PTPN21: variants seen among roughly 807,000 people sequenced by gnomAD.
The protein encoded by PTPN21 is protein tyrosine phosphatase non-receptor type 21.
Under a neutral mutation model 131.8 loss-of-function variants are expected in PTPN21, and 77 were observed. The observed-to-expected ratio is 0.58, with a 90% CI of 0.49 to 0.71. PTPN21 has a LOEUF of 0.71. Among genes scored for constraint, PTPN21 ranks in the 30% least tolerant of loss-of-function variants. The pLI is 0.00. For missense variants in PTPN21, 1,552 were observed against 1,527.1 expected (o/e 1.02, Z -0.27); for synonymous variants, 715 against 621.3 (o/e 1.15, Z -2.24).
intron 6 of PTPN21, among the ~76,000 whole-genome samples, chr14:88,503,342 A>G (rs2140134481): frequency 6.6e-6 from 1 of 152,292 alleles, no homozygotes; most frequent in East Asian, 1.9e-4. Flanking sequence ...CAGAGATAAC[A>G]AAATCTTTTT....
At chr14:88,483,080 C>CGG (rs2140104245) in intron 12 of PTPN21, among the ~76,000 whole-genome samples, 1 of 151,704 alleles carries the variant, frequency 6.6e-6, no homozygotes, top group Admixed American at 6.6e-5. Flanking sequence ...GGCGTGGTGG[C>CGG]GGGTGCCTGT....
In PTPN21 at chr14:88,479,237, C is replaced by A; in HGVS notation, c.2194G>T (p.Ala732Ser). ...GCCAGGCCGGGCCGAGGCTCGCGCG[C>A]ACGTGCAGGAGGCGCCCGGGCCCCG... ...ESGARAPPAR[A>S]REPRPGLAQD... is the part of the protein sequence containing the mutation. Residue 732 changes from alanine to serine, a missense_variant, in exon 13 of 19, where the codon GCG (alanine) becomes TCG (serine). Coordinates refer to ENST00000556564, the MANE Select transcript of PTPN21 (RefSeq NM_007039.4). The A allele has an allele frequency of 6.2e-7, 1 of 1,608,610 alleles. No homozygotes were observed. Among genetic ancestry groups the A allele is most frequent in the Non-Finnish European group, 8.5e-7 (1 of 1,177,536 alleles).
At chr14:88,497,849 G>A (rs944562358) in intron 8 of PTPN21, among the ~76,000 whole-genome samples, 8 of 150,864 alleles carry the variant, frequency 5.3e-5, no homozygotes, top group Non-Finnish European at 1.0e-4. Flanking sequence ...CCTGCAATCC[G>A]AGCACTTTGG....
intron 2 of PTPN21, among the ~76,000 whole-genome samples, chr14:88,523,953 A>G (rs938687508): frequency 6.6e-6 from 1 of 152,198 alleles, no homozygotes; most frequent in Middle Eastern, 3.2e-3. Context: ...GAACACAACT[A>G]AACAGTGCTA....
chr14:88,472,157 C>G (rs549311814), intron 15 of PTPN21, 87 bp downstream of exon 15: 1 of 771,552 alleles, frequency 1.3e-6, no homozygotes, highest in Non-Finnish European at 2.2e-6. Context: ...TATCTGAATT[C>G]TAAACAGACA....
rs909576100 is a variant in PTPN21, at chr14:88,555,006, G to A, written c.-558C>T. Among the ~76,000 whole-genome samples the A allele has an allele frequency of 8.5e-4, 129 of 151,720 alleles. No homozygotes were observed. The highest frequency in any genetic ancestry group is 3.0e-3 in the African/African-American group (126 of 41,482). On this transcript the variant is annotated 5_prime_UTR_variant, in exon 1 of 19. The change creates a new upstream start codon in the 5' untranslated region. Coordinates refer to ENST00000556564, the MANE Select transcript of PTPN21 (RefSeq NM_007039.4). ...AGCAGCGGGGCGGCCGGGCCCAGGC[G>A]TCCCTCCCCCTGAGCCGGGCGGGCG... is the stretch of plus-strand genomic sequence containing the variant.
chr14:88,551,893 G>A (rs2078874622), intron 1 of PTPN21: 1 of 152,274 alleles, frequency 6.6e-6, no homozygotes, highest in Admixed American at 6.5e-5. Flanking sequence ...AGCACTAGCT[G>A]GGGATTTTTA....
Position 88,469,131 on chromosome 14 carries a change from G to A in PTPN21, c.3236-55C>T. The A allele has an allele frequency of 6.5e-7, 1 of 1,537,100 alleles. No homozygotes were observed. The highest frequency in any genetic ancestry group is 8.9e-7 in the Non-Finnish European group (1 of 1,128,388). On this transcript the variant is annotated intron_variant, in intron 17 of 18. Coordinates refer to ENST00000556564, the MANE Select transcript of PTPN21 (RefSeq NM_007039.4). The surrounding 1 kb of genome is among the most constrained non-coding windows in gnomAD (Gnocchi z 4.3). Reference sequence around the variant, plus strand: ...CTCAAGGATCAAGGCGTATCACATTGTTGACTCAATCTTCATATTCTCTCC... The same window carrying A: ...CTCAAGGATCAAGGCGTATCACATTATTGACTCAATCTTCATATTCTCTCC...
intron 2 of PTPN21, among the ~76,000 whole-genome samples, chr14:88,521,410 T>C (rs1178351343): frequency 6.7e-6 from 1 of 149,914 alleles, no homozygotes; most frequent in Non-Finnish European, 1.5e-5. Flanking sequence ...AGCAGGTCAT[T>C]TTTTTTTTTG....
chr14:88,490,399 G>T (rs2077805817), intron 10 of PTPN21, among the ~76,000 whole-genome samples: 2 of 152,000 alleles, frequency 1.3e-5, no homozygotes, highest in South Asian at 4.1e-4. Context: ...CTCCACCAGG[G>T]GTCCATGTCC....
intron 2 of PTPN21, among the ~76,000 whole-genome samples, chr14:88,524,252 C>T (rs768365391): frequency 6.6e-6 from 1 of 152,182 alleles, no homozygotes; most frequent in Non-Finnish European, 1.5e-5. Flanking sequence ...GTAATCCAAA[C>T]TGTGTGGTAC....
At chr14:88,473,967 T>C in intron 13 of PTPN21, 165 bp from the exon 14 acceptor site, 1 of 568,942 alleles carries the variant, frequency 1.8e-6, no homozygotes, top group East Asian at 3.2e-5. Context: ...TAACAAACAT[T>C]AGTAGGAAGA....
chr14:88,501,266 C>G lies in PTPN21; in HGVS notation c.675+15G>C, dbSNP rs775994190. The G allele has an allele frequency of 6.2e-7, 1 of 1,601,526 alleles. No individual in the cohort carries two copies. The highest frequency in any genetic ancestry group is 1.7e-5 in the Admixed American group (1 of 59,856). On this transcript the variant is annotated intron_variant, in intron 7 of 18. Coordinates refer to ENST00000556564, the MANE Select transcript of PTPN21 (RefSeq NM_007039.4). ...GCCTAACTTTAAAGAGCCCCAGCCG[C>G]CAAGCCACACTTACCTTAGCAGGGT...
At chr14:88,493,015 C>T (rs1566823122) in intron 10 of PTPN21, 1 of 442,796 alleles carries the variant, frequency 2.3e-6, no homozygotes, top group Non-Finnish European at 4.5e-6. Flanking sequence ...ACTACTCTAA[C>T]AGGCTAGCAC....
At chr14:88,535,621 T>G (rs1448646366) in intron 2 of PTPN21, among the ~76,000 whole-genome samples, 1 of 152,214 alleles carries the variant, frequency 6.6e-6, no homozygotes, top group African/African-American at 2.4e-5. Context: ...GTACCTATAT[T>G]TAGCAGATAG....
chr14:88,478,571 T>C (rs985240713), intron 13 of PTPN21, among the ~76,000 whole-genome samples: 2 of 152,208 alleles, frequency 1.3e-5, no homozygotes, highest in African/African-American at 4.8e-5. Flanking sequence ...TTTTAATGGG[T>C]GGCTAAAGCA....
intron 10 of PTPN21, 91 bp from the exon 11 acceptor site, chr14:88,485,933 T>C: frequency 1.3e-6 from 1 of 777,008 alleles, no homozygotes; most frequent in Non-Finnish European, 2.1e-6. Context: ...ATAATAAATC[T>C]TCTCAGGCAA....
At chr14:88,535,381 C>G (rs1205916123) in intron 2 of PTPN21, among the ~76,000 whole-genome samples, 1 of 152,188 alleles carries the variant, frequency 6.6e-6, no homozygotes, top group African/African-American at 2.4e-5. Flanking sequence ...ATTCCAATAG[C>G]TGCCACTAGC....
chr14:88,550,136 A>G, intron 2 of PTPN21, 102 bp downstream of exon 2: 1 of 1,241,936 alleles, frequency 8.1e-7, no homozygotes, highest in Non-Finnish European at 1.1e-6. Flanking sequence ...CTAGGCTCGA[A>G]CTCCTGACCT....
Sources: gnomAD v4.1 joint callset for allele counts (sites outside exome capture counted in the v4.1 genomes callset) on GRCh38, gnomAD v4.1.1 for gene constraint, Gnocchi (gnomAD v3.1) non-coding constraint, MANE v1.5 for transcripts, NCBI Gene and HGNC (gene_info 2026-07-23, HGNC 2026-07-21) for gene names.